Variants in TMA7 observed in about 807,000 individuals in gnomAD.
TMA7 encodes translation machinery associated 7 homolog.
TMA7 carries 5 observed loss-of-function variants against 12.5 expected under a neutral mutation model. The observed-to-expected ratio is 0.40, with a 90% CI of 0.21 to 0.84. The LOEUF is 0.84. Ranked by LOEUF, TMA7 falls within the 40% of genes least tolerant of loss-of-function variation. TMA7 has a pLI of 0.36. For missense variants in TMA7, 71 were observed against 75.4 expected, an observed-to-expected ratio of 0.94 and a Z score of 0.22; for synonymous variants, 36 against 28.1, an observed-to-expected ratio of 1.28 and a Z score of -0.89.
At chr3:48,440,740 C>G in intron 3 of TMA7, 112 bp downstream of exon 3, 2 of 938,526 alleles carry the variant, frequency 2.1e-6, no homozygotes, top group East Asian at 5.3e-5. Context: ...TCTCGTTTTC[C>G]GACGTCCGCT....
At chr3:48,443,732 G>A (rs1473057684) in intron 3 of TMA7, 116 bp from the exon 4 acceptor site, 1 of 714,278 alleles carries the variant, frequency 1.4e-6, no homozygotes, top group Non-Finnish European at 2.2e-6. Context: ...CCATGCTTGT[G>A]TTAAAGTGAA....
chr3:48,442,237 G>A (rs2039586873), intron 3 of TMA7, among the ~76,000 whole-genome samples: 2 of 148,556 alleles, frequency 1.3e-5, no homozygotes, highest in Non-Finnish European at 3.0e-5. Flanking sequence ...TTCCAGCCTG[G>A]GAGATAGAAT....
intron 3 of TMA7, 73 bp downstream of exon 3, chr3:48,440,701 G>C: frequency 1.5e-6 from 2 of 1,372,984 alleles, no homozygotes; most frequent in Non-Finnish European, 2.0e-6. Context: ...GCGCGGGCAT[G>C]TCTTTTTCCT....
intron 3 of TMA7, among the ~76,000 whole-genome samples, chr3:48,442,360 C>A (rs1470440938): frequency 3.3e-5 from 5 of 150,108 alleles, no homozygotes; most frequent in Non-Finnish European, 7.4e-5. Context: ...CTAGTTGTTT[C>A]TCATTGAGCA....
chr3:48,440,395 G>A lies in TMA7; in HGVS notation c.17-8G>A, dbSNP rs1451201900. The A allele has an allele frequency of 1.9e-6, 3 of 1,611,646 alleles. No homozygotes were observed. The Admixed American group carries it at 5.0e-5, about 27-fold the overall frequency. On this transcript the variant is annotated splice_region_variant and splice_polypyrimidine_tract_variant and intron_variant, in intron 1 of 3. Transcript: ENST00000438607. The stretch of plus-strand genomic sequence containing the variant: ...GGGGCAGGCCGAACGTGCTCGTGTC[G>A]CCCACAGGTGGCAAGAAGAAGCCAC...
intron 3 of TMA7, 162 bp downstream of exon 3, chr3:48,440,790 CA>C (rs1322252380): frequency 1.5e-6 from 1 of 672,256 alleles, no homozygotes; most frequent in Non-Finnish European, 2.6e-6. Context: ...TTTGCAGCGG[CA>C]GTAAGGGCCG....
Position 48,440,329 on chromosome 3 carries a change from C to T in TMA7, c.16+17C>T, listed in dbSNP as rs778825586. The T allele has an allele frequency of 4.3e-6, 7 of 1,611,662 alleles. No individual in the cohort carries two copies. The highest frequency in any genetic ancestry group is 2.7e-5 in the African/African-American group (2 of 75,016). ...GCCGCGAAGGTAAGTGTTCCGGAAC[C>T]GTGAGGACTGCGGGGACGGCGGGGT... On this transcript the variant is annotated intron_variant, in intron 1 of 3. Transcript: ENST00000438607.
intron 3 of TMA7, among the ~76,000 whole-genome samples, chr3:48,442,145 G>A (rs191228850): frequency 3.9e-4 from 59 of 152,028 alleles, no homozygotes; most frequent in Non-Finnish European, 5.9e-5. Context: ...AGGCAGCCTC[G>A]CTTAAGCCCA....
chr3:48,440,627 G>A lies in TMA7; in HGVS notation c.159G>A (p.Leu53=). The A allele has an allele frequency of 3.1e-6, 5 of 1,610,504 alleles. No homozygotes were observed. The highest frequency in any genetic ancestry group is 1.1e-5 in the South Asian group (1 of 90,734). Residue 53 remains leucine (L), a splice_region_variant and synonymous_variant, in exon 3 of 4, where the codon TTG becomes TTA. Coordinates refer to ENST00000438607, the MANE Select transcript of TMA7 (RefSeq NM_015933.6). ...LKAKAAGKGP[L]ATGGIKKSGK... The stretch of plus-strand genomic sequence containing the variant: ...CGAAGGCCGCGGGGAAGGGGCCCTT[G>A]GGTAAGTGGGGGCCGAATGGAGCTC...
At position 48,440,473 on chromosome 3, in the gene TMA7, G is replaced by A; in HGVS notation, c.72+15G>A. ...AGATGGACGAGGTGAGGGCGGGCGCGGAGGCACTGGCGGGTGCGGGGGCGC... is the reference window on the plus strand; with the variant it reads ...AGATGGACGAGGTGAGGGCGGGCGCAGAGGCACTGGCGGGTGCGGGGGCGC... On this transcript the variant is annotated intron_variant, in intron 2 of 3. Coordinates refer to ENST00000438607, the MANE Select transcript of TMA7 (RefSeq NM_015933.6). 1 of 1,611,244 alleles carries A rather than the reference G, an allele frequency of 6.2e-7. No individual in the cohort carries two copies. The highest frequency in any genetic ancestry group is 8.5e-7 in the Non-Finnish European group (1 of 1,179,328).
rs1463102694 is a variant in TMA7, at chr3:48,443,111, G to A, written c.161-737G>A. Among the ~76,000 whole-genome samples, 4 of 151,832 alleles carry A rather than the reference G, an allele frequency of 2.6e-5. No individual in the cohort carries two copies. In the East Asian group the frequency reaches 7.8e-4, roughly 30 times the overall value. On this transcript the variant is annotated intron_variant, in intron 3 of 3. Coordinates refer to ENST00000438607, the MANE Select transcript of TMA7 (RefSeq NM_015933.6). ...AAAAATTAGCCGGGTATGGTGGCAT[G>A]CGCCTTTAGTCCCAGCTACTCGGAA...
intron 3 of TMA7, among the ~76,000 whole-genome samples, chr3:48,442,540 C>T (rs187973041): frequency 0.013 from 2,030 of 151,592 alleles, 43 homozygotes; most frequent in African/African-American, 0.046. Flanking sequence ...CAGCCTCCGC[C>T]TCCCAGGTTC....
At position 48,440,680 on chromosome 3, in the gene TMA7, T is replaced by C. The variant is rs150100171; in HGVS notation, c.160+52T>C. On this transcript the variant is annotated intron_variant, in intron 3 of 3. Transcript: ENST00000438607. ...GCTGGCCAAACGCTATGAGCACCTATTGGGATGAGGGCGCGGGCATGTCTT... is the reference window on the plus strand; with the variant it reads ...GCTGGCCAAACGCTATGAGCACCTACTGGGATGAGGGCGCGGGCATGTCTT... 737 of 1,535,492 alleles carry C rather than the reference T, an allele frequency of 4.8e-4. 4 individuals are homozygous for C. In the African/African-American group the frequency reaches 8.9e-3, roughly 19 times the overall value.
intron 3 of TMA7, chr3:48,440,928 G>A: frequency 4.2e-6 from 2 of 479,058 alleles, no homozygotes; most frequent in East Asian, 7.6e-5. Context: ...GTTTCTCAAA[G>A]TCTGACGTCG....
intron 3 of TMA7, among the ~76,000 whole-genome samples, chr3:48,441,822 G>A (rs1305231169): frequency 2.6e-5 from 4 of 152,236 alleles, no homozygotes; most frequent in Non-Finnish European, 2.9e-5. Context: ...GCATGATGGA[G>A]ACAAGGATGG....
chr3:48,442,783 G>A (rs1193665230), intron 3 of TMA7, among the ~76,000 whole-genome samples: 3 of 152,126 alleles, frequency 2.0e-5, no homozygotes, highest in East Asian at 1.9e-4. Flanking sequence ...CGCCTACTGC[G>A]TTCCACATAT....
In TMA7 at chr3:48,444,008, C is replaced by T. The variant is rs576596946; in HGVS notation, c.*126C>T. 4.4e-6 allele frequency: 3 copies of T among 685,554 alleles called. No homozygotes were observed. Among genetic ancestry groups the T allele is most frequent in the Admixed American group, 8.5e-5 (2 of 23,474 alleles). 42.5% of individuals were successfully genotyped at this position (685,554 alleles called of 1,614,324 possible). On this transcript the variant is annotated 3_prime_UTR_variant, in exon 4 of 4. Coordinates refer to ENST00000438607, the MANE Select transcript of TMA7 (RefSeq NM_015933.6). ...TAAGTGTTGTCTTGGAGCTGTTGTA[C>T]ATTTAAGAATAAACTTTTGTAAAAA...
At chr3:48,443,403 C>T (rs1020744687) in intron 3 of TMA7, among the ~76,000 whole-genome samples, 3 of 151,746 alleles carry the variant, frequency 2.0e-5, no homozygotes, top group African/African-American at 7.3e-5. Context: ...AAAAATTAGC[C>T]AGGGCTTGTG....
intron 3 of TMA7, among the ~76,000 whole-genome samples, chr3:48,441,971 T>C (rs1268908454): frequency 6.6e-6 from 1 of 152,216 alleles, no homozygotes; most frequent in Admixed American, 6.5e-5. Flanking sequence ...CAGAATGGGC[T>C]GACCATAATC....
Sources: allele counts gnomAD v4.1 joint callset (sites outside exome capture counted in the v4.1 genomes callset), GRCh38; gene constraint gnomAD v4.1.1; transcripts MANE v1.5; gene names NCBI Gene and HGNC (gene_info 2026-07-23, HGNC 2026-07-21).